ANKRD18A: variants seen among roughly 807,000 people sequenced by gnomAD.
ANKRD18A encodes ankyrin repeat domain 18A.
Under a neutral mutation model 110.6 loss-of-function variants are expected in ANKRD18A, and 72 were observed. The observed-to-expected ratio is 0.65, with a 90% confidence interval of 0.54 to 0.79. The LOEUF (loss-of-function observed/expected upper bound fraction) is 0.79, where lower values mean the gene tolerates loss of function less well. Among genes scored for constraint, ANKRD18A ranks in the 30% least tolerant of loss-of-function variants. ANKRD18A has a pLI of 0.00. For missense variants in ANKRD18A, 934 were observed against 1,163.3 expected (o/e 0.80, Z 2.87); for synonymous variants, 305 against 410.3 (o/e 0.74, Z 3.10).
At chr9:38,601,872 A>G (rs114134721) in intron 7 of ANKRD18A, among the ~76,000 whole-genome samples, 82 of 151,684 alleles carry the variant, frequency 5.4e-4, no homozygotes, top group African/African-American at 1.9e-3. Context: ...AGTCCCAGGT[A>G]CTCAAGAGGT....
At chr9:38,575,430 A>G (rs1823839280) in intron 15 of ANKRD18A, 46 bp downstream of exon 15, 1 of 1,483,792 alleles carries the variant, frequency 6.7e-7, no homozygotes, top group Admixed American at 2.2e-5. Context: ...GACAAGAATT[A>G]TATTAGAGAA....
chr9:38,612,804 A>C (rs1478057634), intron 3 of ANKRD18A, among the ~76,000 whole-genome samples: 1 of 152,078 alleles, frequency 6.6e-6, no homozygotes, highest in Non-Finnish European at 1.5e-5. Flanking sequence ...GGTGTGAGCC[A>C]TTGCACCCGG....
intron 9 of ANKRD18A, 108 bp from the exon 10 acceptor site, chr9:38,594,017 T>C: frequency 8.7e-7 from 1 of 1,149,108 alleles, no homozygotes; most frequent in Admixed American, 3.5e-5. Context: ...CACACACAGA[T>C]TCACTTTCTT....
chr9:38,572,955 A>T, intron 15 of ANKRD18A: 1 of 442,742 alleles, frequency 2.3e-6, no homozygotes. Context: ...ATCTTTCATT[A>T]GATGTGTGTA....
rs566758365 is a variant in ANKRD18A, at chr9:38,577,069, A to G, written c.2725T>C (p.Ser909Pro). 3.2e-5 allele frequency: 50 copies of G among 1,546,210 alleles called. No individual in the cohort carries two copies. The Admixed American group carries it at 6.8e-4, about 21-fold the overall frequency. ...AGAVKANNSMSKKLMKSDKKI... is the reference protein window; with the variant it reads ...AGAVKANNSMPKKLMKSDKKI... ...TTGACTTACTTCATTAATTTTTTTG[A>G]CATGGAATTGTTAGCTTTCACTGCT... The change falls in exon 14 of 16, where the codon TCA becomes CCA. Residue 909 changes from serine (S) to proline (P), a missense_variant. Coordinates refer to ENST00000399703, the MANE Select transcript of ANKRD18A (RefSeq NM_147195.4).
intron 5 of ANKRD18A, among the ~76,000 whole-genome samples, chr9:38,608,848 T>C (rs1208380028): frequency 4.6e-5 from 7 of 151,776 alleles, no homozygotes; most frequent in Non-Finnish European, 1.0e-4. Context: ...TATTGAAGGA[T>C]AATGTACACA....
At chr9:38,600,488 C>T (rs1825072439) in intron 8 of ANKRD18A, among the ~76,000 whole-genome samples, 1 of 152,172 alleles carries the variant, frequency 6.6e-6, no homozygotes, top group South Asian at 2.1e-4. Context: ...ATATTCTAAG[C>T]TCCACTAGTG....
chr9:38,574,398 T>A (rs1252590646), intron 15 of ANKRD18A, among the ~76,000 whole-genome samples: 5 of 152,188 alleles, frequency 3.3e-5, no homozygotes, highest in Admixed American at 3.3e-4. Flanking sequence ...TTACAATGAT[T>A]TATATTTTCC....
intron 1 of ANKRD18A, 52 bp downstream of exon 1, chr9:38,620,028 G>C (rs1826017033): frequency 1.3e-6 from 2 of 1,542,166 alleles, no homozygotes; most frequent in Non-Finnish European, 1.7e-6. Context: ...CCGGGCTGCA[G>C]GGAAGCCGGG....
In ANKRD18A at chr9:38,574,479, G is replaced by C. The variant is rs568456397; in HGVS notation, c.2964+997C>G. Among the ~76,000 whole-genome samples, 252 of 152,178 alleles carry C rather than the reference G, an allele frequency of 1.7e-3. 2 individuals carry two copies. Among genetic ancestry groups the C allele is most frequent in the Non-Finnish European group, 1.7e-3 (117 of 68,016 alleles). On this transcript the variant is annotated intron_variant, in intron 15 of 15. Transcript: ENST00000399703. Reference sequence around the variant, plus strand: ...TTACAGGTGCCTGCCACCACACCTGGCTAATTTTTGTAGTTTTAGTAGAGA... The same window carrying C: ...TTACAGGTGCCTGCCACCACACCTGCCTAATTTTTGTAGTTTTAGTAGAGA...
At chr9:38,601,285 C>CT (rs1310224026) in intron 7 of ANKRD18A, 81 bp from the exon 8 acceptor site, 16 of 1,282,618 alleles carry the variant, frequency 1.2e-5, no homozygotes, top group South Asian at 7.6e-5. Context: ...ACAACACACA[C>CT]TTTTATAAAT....
At chr9:38,608,333 A>G (rs1437478733) in intron 5 of ANKRD18A, among the ~76,000 whole-genome samples, 1 of 151,806 alleles carries the variant, frequency 6.6e-6, no homozygotes, top group Admixed American at 6.6e-5. Flanking sequence ...GTCCTCTCCA[A>G]CTGACATACA....
At position 38,610,287 on chromosome 9, in the gene ANKRD18A, A is replaced by G. The variant is rs748092480; in HGVS notation, c.726T>C (p.Cys242=). 6.5e-7 allele frequency: 1 copy of G among 1,545,292 alleles called. No homozygotes were observed. The highest frequency in any genetic ancestry group is 1.4e-5 in the African/African-American group (1 of 72,688). The change falls in exon 5 of 16, where the codon TGT becomes TGC. Residue 242 remains cysteine, a synonymous_variant. Coordinates refer to ENST00000399703, the MANE Select transcript of ANKRD18A (RefSeq NM_147195.4). The part of the protein sequence containing the change: ...FGQTAEDYAL[C]SDLRSIRQQI... Reference sequence around the variant, plus strand: ...TAAGCACATACCTTCTCAAATCAGAACAAAGAGCATAATCCTCGGCAGTTT... The same window carrying G: ...TAAGCACATACCTTCTCAAATCAGAGCAAAGAGCATAATCCTCGGCAGTTT...
intron 1 of ANKRD18A, among the ~76,000 whole-genome samples, chr9:38,618,561 T>C (rs1825949712): frequency 6.6e-6 from 1 of 152,186 alleles, no homozygotes; most frequent in African/African-American, 2.4e-5. Context: ...AAAGGGCATA[T>C]ACATTTTTAA....
chr9:38,591,086 A>G (rs972433320), intron 10 of ANKRD18A, among the ~76,000 whole-genome samples: 3 of 151,504 alleles, frequency 2.0e-5, no homozygotes, highest in Admixed American at 2.0e-4. Context: ...ACAGCCTCCA[A>G]TGTAGCTGGG....
intron 7 of ANKRD18A, among the ~76,000 whole-genome samples, chr9:38,602,535 GAAGCCAGTTTCTGA>G (rs1237760220): frequency 2.6e-5 from 4 of 152,228 alleles, no homozygotes; most frequent in African/African-American, 9.6e-5. Flanking sequence ...GAATTGGGCA[GAAGCCAGTTTCTGA>G]AAGCCTTATA....
Position 38,575,678 on chromosome 9 carries a change from A to G in ANKRD18A, c.2762T>C (p.Val921Ala). The change falls in exon 15 of 16, where the codon GTG becomes GCG. Residue 921 changes from valine (V) to alanine (A), a missense_variant. Val to Ala is a moderately conservative substitution (Grantham distance 64). Coordinates refer to ENST00000399703, the MANE Select transcript of ANKRD18A (RefSeq NM_147195.4). ...KLMKSDKKIAVISTKLFTEKQ... is the reference protein window; with the variant it reads ...KLMKSDKKIAAISTKLFTEKQ... ...CTCCGTAAAGAGCTTGGTGCTGATC[A>G]CTGCTATTTTCTTATCCGATCTGTA... 6.4e-7 allele frequency: 1 copy of G among 1,551,116 alleles called. No individual in the cohort carries two copies. The highest frequency in any genetic ancestry group is 8.7e-7 in the Non-Finnish European group (1 of 1,146,658).
At chr9:38,593,264 T>C (rs1587510186) in intron 10 of ANKRD18A, among the ~76,000 whole-genome samples, 1 of 152,212 alleles carries the variant, frequency 6.6e-6, no homozygotes, top group South Asian at 2.1e-4. Flanking sequence ...TCAAGTAGTT[T>C]GTAAATTAAC....
At chr9:38,603,411 T>A (rs1330072849) in intron 6 of ANKRD18A, among the ~76,000 whole-genome samples, 199 bp from the exon 7 acceptor site, 1 of 152,182 alleles carries the variant, frequency 6.6e-6, no homozygotes, top group African/African-American at 2.4e-5. Context: ...ATAATAACTA[T>A]AGGCTCCCAG....
Sources: gnomAD v4.1 joint callset for allele counts (sites outside exome capture counted in the v4.1 genomes callset) on GRCh38, gnomAD v4.1.1 for gene constraint, MANE v1.5 for transcripts, NCBI Gene and HGNC (gene_info 2026-07-23, HGNC 2026-07-21) for gene names.